GSAP: variants seen among roughly 807,000 people sequenced by gnomAD.
The protein encoded by GSAP is gamma-secretase-activating protein.
A neutral mutation model predicts 131.7 loss-of-function variants in GSAP; 118 were observed. The ratio of observed to expected loss-of-function variants is 0.90; its 90% CI spans 0.77 to 1.04. The LOEUF (loss-of-function observed/expected upper bound fraction) is 1.04. Among genes scored for constraint, GSAP ranks in the 50% least tolerant of loss-of-function variants. The probability of loss-of-function intolerance (pLI) is 0.00; values close to 1 mark genes in which losing one functional copy is unlikely to be tolerated. For missense variants in GSAP, 1,019 were observed against 1,013.2 expected, an observed-to-expected ratio of 1.01 and a Z score of -0.08; for synonymous variants, 381 against 363.4, an observed-to-expected ratio of 1.05 and a Z score of -0.55.
At chr7:77,335,086 TAA>T in intron 19 of GSAP, among the ~76,000 whole-genome samples, 1 of 131,766 alleles carries the variant, frequency 7.6e-6, no homozygotes, top group Non-Finnish European at 1.7e-5. Flanking sequence ...CCGTCTCAAT[TAA>T]AAAAAAAAAG....
At chr7:77,359,056 G>A (rs1031124114) in intron 14 of GSAP, among the ~76,000 whole-genome samples, 11 of 152,046 alleles carry the variant, frequency 7.2e-5, no homozygotes, top group South Asian at 2.1e-4. Context: ...GCATGGTGGC[G>A]TGCGCCTGTA....
chr7:77,361,047 C>T, intron 13 of GSAP, 146 bp from the exon 14 acceptor site: 1 of 588,000 alleles, frequency 1.7e-6, no homozygotes, highest in Admixed American at 2.7e-5. Flanking sequence ...CATGGTTCCC[C>T]TCATTCTCCA....
intron 19 of GSAP, among the ~76,000 whole-genome samples, chr7:77,334,729 A>T (rs1789707421): frequency 6.6e-6 from 1 of 152,122 alleles, no homozygotes; most frequent in Non-Finnish European, 1.5e-5. Context: ...CAGGAAGCCC[A>T]TCACCGGCAA....
chr7:77,399,548 G>C (rs1171708652), intron 3 of GSAP, among the ~76,000 whole-genome samples: 1 of 152,196 alleles, frequency 6.6e-6, no homozygotes, highest in Admixed American at 6.5e-5. Flanking sequence ...CTACATGACA[G>C]AAGGTGGGAG....
chr7:77,354,681 T>G (rs1793390774), intron 16 of GSAP, among the ~76,000 whole-genome samples: 1 of 151,578 alleles, frequency 6.6e-6, no homozygotes. Flanking sequence ...TAATGTCTTT[T>G]TTTTTTTTTT....
intron 19 of GSAP, among the ~76,000 whole-genome samples, chr7:77,333,297 C>T (rs1789434879): frequency 6.6e-6 from 1 of 152,158 alleles, no homozygotes; most frequent in Admixed American, 6.5e-5. Context: ...AGGTGGGACT[C>T]TTTGGGTGTG....
At chr7:77,342,633 C>A (rs913400841) in intron 19 of GSAP, among the ~76,000 whole-genome samples, 8 of 152,246 alleles carry the variant, frequency 5.3e-5, no homozygotes, top group Non-Finnish European at 1.2e-4. Context: ...ATCATGCACC[C>A]CTTACCATCC....
At chr7:77,384,238 C>A (rs909649228) in intron 6 of GSAP, among the ~76,000 whole-genome samples, 1 of 152,178 alleles carries the variant, frequency 6.6e-6, no homozygotes, top group African/African-American at 2.4e-5. Flanking sequence ...CCAGGGCATG[C>A]CTGCTTAGGA....
intron 6 of GSAP, among the ~76,000 whole-genome samples, chr7:77,385,755 A>T (rs938366250): frequency 6.6e-6 from 1 of 151,974 alleles, no homozygotes; most frequent in African/African-American, 2.4e-5. Context: ...CTGACAGGGG[A>T]GGACCCTGGG....
intron 2 of GSAP, 91 bp from the exon 3 acceptor site, chr7:77,404,706 C>A: frequency 1.4e-6 from 1 of 739,528 alleles, no homozygotes; most frequent in Non-Finnish European, 2.4e-6. Flanking sequence ...ATAACTCAAT[C>A]TTAGCAGTAA....
intron 19 of GSAP, among the ~76,000 whole-genome samples, chr7:77,343,799 T>C (rs1194021147): frequency 1.3e-5 from 2 of 152,198 alleles, no homozygotes; most frequent in African/African-American, 4.8e-5. Context: ...TTCTATTCTG[T>C]CATCATTTCA....
intron 3 of GSAP, among the ~76,000 whole-genome samples, chr7:77,398,171 G>A (rs747379184): frequency 3.9e-5 from 6 of 152,062 alleles, no homozygotes; most frequent in Non-Finnish European, 5.9e-5. Context: ...GACAGTCTTC[G>A]ACCTCAGAAG....
intron 17 of GSAP, 62 bp from the exon 18 acceptor site, chr7:77,353,088 A>C: frequency 1.1e-6 from 1 of 878,734 alleles, no homozygotes; most frequent in Non-Finnish European, 1.9e-6. Context: ...TGATGACAGC[A>C]TTGTAATGCA....
rs567584196 is a variant in GSAP, at chr7:77,355,878, C to T, written c.1028-231G>A. ...GATGTCGGCCCACTGCAGCCTCAAACTCCTGGGCTCAAGTGATCCTCCCCA... is the reference window on the plus strand; with the variant it reads ...GATGTCGGCCCACTGCAGCCTCAAATTCCTGGGCTCAAGTGATCCTCCCCA... On this transcript the variant is annotated intron_variant, in intron 14 of 30. Coordinates refer to ENST00000257626, the MANE Select transcript of GSAP (RefSeq NM_017439.4). 3.4e-5 allele frequency among the ~76,000 whole-genome samples: 5 copies of T among 148,454 alleles called. No homozygotes were observed. The East Asian group carries it at 1.0e-3, about 30-fold the overall frequency.
intron 6 of GSAP, among the ~76,000 whole-genome samples, chr7:77,385,326 G>A (rs911042240): frequency 2.6e-5 from 4 of 152,066 alleles, no homozygotes; most frequent in Non-Finnish European, 5.9e-5. Context: ...GAGCCACTGC[G>A]CCCAGCCACT....
At chr7:77,368,040 T>C (rs906983045) in intron 12 of GSAP, among the ~76,000 whole-genome samples, 1 of 152,164 alleles carries the variant, frequency 6.6e-6, no homozygotes, top group Admixed American at 6.5e-5. Context: ...GTGAGGTCAG[T>C]GGTAACATCC....
chr7:77,342,164 T>G (rs1369286370), intron 19 of GSAP, among the ~76,000 whole-genome samples: 1 of 152,246 alleles, frequency 6.6e-6, no homozygotes. Flanking sequence ...GCTTAGCGGC[T>G]GAAGACTGAC....
Position 77,360,764 on chromosome 7 carries a change from G to A in GSAP, c.1027+60C>T, listed in dbSNP as rs186965106. ...GAAATGGGATAGTATAGAAGGCTGA[G>A]GTATACCATGCCTAGGAACAAGTGT... On this transcript the variant is annotated intron_variant, in intron 14 of 30. Transcript: ENST00000257626. 191 of 871,488 alleles carry A rather than the reference G, an allele frequency of 2.2e-4. No individual in the cohort carries two copies. In the East Asian group the frequency reaches 4.4e-3, roughly 20 times the overall value. The allele number at this position is 871,488 out of a possible 1,614,324, so 54.0% of individuals were successfully genotyped here. A position where few individuals can be genotyped will look rare whatever the true frequency, so the allele number is the denominator to read the frequency against.
rs1313564077 is a variant in GSAP, at chr7:77,374,173, G to A, written c.786-18C>T. ...TGACAAGTCTAAGAACATAAAGAAT[G>A]AGAAATTATTGAATGCATTTAAAAA... On this transcript the variant is annotated intron_variant, in intron 11 of 30. Coordinates refer to ENST00000257626, the MANE Select transcript of GSAP (RefSeq NM_017439.4). The A allele has an allele frequency of 7.6e-7, 1 of 1,317,242 alleles. No homozygotes were observed. The highest frequency in any genetic ancestry group is 1.3e-5 in the South Asian group (1 of 79,912). The allele number at this position is 1,317,242 out of a possible 1,614,324, so 81.6% of individuals were successfully genotyped here.
Sources: gnomAD v4.1 joint callset for allele counts (sites outside exome capture counted in the v4.1 genomes callset) on GRCh38, gnomAD v4.1.1 for gene constraint, MANE v1.5 for transcripts, NCBI Gene and HGNC (gene_info 2026-07-23, HGNC 2026-07-21) for gene names.